MIGA1: variants seen among roughly 807,000 people sequenced by gnomAD.
The protein encoded by MIGA1 is family with sequence similarity 73, member A.
A neutral mutation model predicts 82.0 loss-of-function variants in MIGA1; 58 were observed. That is an observed-to-expected ratio of 0.71 (90% CI 0.57 to 0.88). MIGA1 has a LOEUF of 0.88. Ranked by LOEUF, MIGA1 falls within the 40% of genes least tolerant of loss-of-function variation. MIGA1 has a pLI of 0.00. For missense variants in MIGA1, 751 were observed against 749.1 expected, an observed-to-expected ratio of 1.00 and a Z score of -0.03; for synonymous variants, 249 against 253.6, an observed-to-expected ratio of 0.98 and a Z score of 0.17.
At chr1:77,865,834 G>A (rs1438776769) in intron 13 of MIGA1, among the ~76,000 whole-genome samples, 2 of 150,270 alleles carry the variant, frequency 1.3e-5, no homozygotes, top group Non-Finnish European at 3.0e-5. Context: ...CTTTGCTCAT[G>A]ATTTAAAAAT....
intron 11 of MIGA1, chr1:77,860,873 A>G (rs111443366): frequency 0.025 from 5,280 of 211,088 alleles, 76 homozygotes; most frequent in Middle Eastern, 0.067. Flanking sequence ...CATGACAGAT[A>G]AACTCAGTGA....
At position 77,801,444 on chromosome 1, in the gene MIGA1, A is replaced by G. The variant is rs1183312900; in HGVS notation, c.309A>G (p.Lys103=). 1 of 1,609,896 alleles carries G rather than the reference A, an allele frequency of 6.2e-7. No individual in the cohort carries two copies. Among genetic ancestry groups the G allele is most frequent in the Middle Eastern group, 1.7e-4 (1 of 6,034 alleles). ...GAAAACGTGGAAAGAAGAAAGGAAA[A>G]ATATTACCATGGGAACCAGAGCACC... The change falls in exon 3 of 16, where the codon AAA becomes AAG. Residue 103 remains lysine, a synonymous_variant. Transcript: ENST00000370791.
At chr1:77,828,166 T>C (rs1684102931) in intron 7 of MIGA1, among the ~76,000 whole-genome samples, 1 of 152,242 alleles carries the variant, frequency 6.6e-6, no homozygotes, top group African/African-American at 2.4e-5. Context: ...ACATATCCAG[T>C]GTGTTATGCT....
At chr1:77,812,296 C>G (rs939198980) in intron 5 of MIGA1, among the ~76,000 whole-genome samples, 6 of 152,130 alleles carry the variant, frequency 3.9e-5, no homozygotes, top group Non-Finnish European at 8.8e-5. Context: ...TGGTGAAACC[C>G]CATCTCTACT....
chr1:77,786,504 G>A (rs2101690103), intron 2 of MIGA1, among the ~76,000 whole-genome samples: 1 of 152,270 alleles, frequency 6.6e-6, no homozygotes, highest in African/African-American at 2.4e-5. Flanking sequence ...AAAACTGAAT[G>A]CCTTTAACAG....
intron 13 of MIGA1, among the ~76,000 whole-genome samples, 181 bp from the exon 14 acceptor site, chr1:77,866,157 C>T (rs1685656557): frequency 6.6e-6 from 1 of 152,052 alleles, no homozygotes; most frequent in Non-Finnish European, 1.5e-5. Flanking sequence ...CCTCATGATC[C>T]ACCCGCCTCG....
At chr1:77,806,782 G>A (rs1363543749) in intron 4 of MIGA1, among the ~76,000 whole-genome samples, 193 bp from the exon 5 acceptor site, 1 of 152,134 alleles carries the variant, frequency 6.6e-6, no homozygotes, top group Admixed American at 6.6e-5. Context: ...GTGTATTTTT[G>A]AGCAAACAGG....
At chr1:77,839,970 A>G (rs1358051865) in intron 7 of MIGA1, among the ~76,000 whole-genome samples, 3 of 151,964 alleles carry the variant, frequency 2.0e-5, no homozygotes, top group Non-Finnish European at 2.9e-5. Context: ...TGGGCTTAAG[A>G]GATTTGCCTG....
intron 7 of MIGA1, among the ~76,000 whole-genome samples, chr1:77,839,514 G>T (rs1033365330): frequency 9.9e-5 from 15 of 151,466 alleles, no homozygotes; most frequent in Admixed American, 4.0e-4. Flanking sequence ...GGAACTTTAG[G>T]TGTGCACCAC....
intron 2 of MIGA1, among the ~76,000 whole-genome samples, chr1:77,789,362 A>G (rs1391294758): frequency 1.3e-5 from 2 of 151,546 alleles, no homozygotes; most frequent in African/African-American, 4.8e-5. Context: ...GAGTGTACCA[A>G]CACACCCAGC....
chr1:77,819,559 C>T (rs1683720058), intron 7 of MIGA1, among the ~76,000 whole-genome samples: 1 of 151,958 alleles, frequency 6.6e-6, no homozygotes, highest in Non-Finnish European at 1.5e-5. Flanking sequence ...GCTGGGATTA[C>T]AGGGGTGAAC....
chr1:77,808,135 T>TC (rs1355549373), intron 5 of MIGA1, among the ~76,000 whole-genome samples: 1 of 151,454 alleles, frequency 6.6e-6, no homozygotes, highest in Non-Finnish European at 1.5e-5. Context: ...TCTCTCTTTT[T>TC]TTTTTTTTTT....
At chr1:77,832,581 G>A (rs1557917689) in intron 7 of MIGA1, among the ~76,000 whole-genome samples, 1 of 152,208 alleles carries the variant, frequency 6.6e-6, no homozygotes, top group Non-Finnish European at 1.5e-5. Context: ...GGTCTGCTAG[G>A]GAGACAGTTG....
intron 8 of MIGA1, among the ~76,000 whole-genome samples, chr1:77,844,760 G>GA (rs1684773745): frequency 6.6e-6 from 1 of 152,132 alleles, no homozygotes; most frequent in South Asian, 2.1e-4. Flanking sequence ...GGCCTCCTGA[G>GA]GCCCTGAGGT....
At chr1:77,789,077 T>C (rs1285150962) in intron 2 of MIGA1, among the ~76,000 whole-genome samples, 1 of 152,056 alleles carries the variant, frequency 6.6e-6, no homozygotes, top group Admixed American at 6.5e-5. Flanking sequence ...TTTTCTTTAA[T>C]TTCTTTCAGC....
chr1:77,865,382 G>C (rs1487001982), intron 13 of MIGA1, among the ~76,000 whole-genome samples: 1 of 152,108 alleles, frequency 6.6e-6, no homozygotes, highest in Non-Finnish European at 1.5e-5. Flanking sequence ...CTTGAGCTCA[G>C]GAGTTTGAGA....
chr1:77,866,913 C>T (rs1685693113), intron 14 of MIGA1, among the ~76,000 whole-genome samples: 1 of 152,046 alleles, frequency 6.6e-6, no homozygotes, highest in Non-Finnish European at 1.5e-5. Flanking sequence ...CTCCTGACCT[C>T]AGGTTATCCG....
rs142373477 is a variant in MIGA1 at position 77,857,006 on chromosome 1, C to T, written c.997-1932C>T. On this transcript the variant is annotated intron_variant, in intron 8 of 15. Coordinates refer to ENST00000370791, the MANE Select transcript of MIGA1 (RefSeq NM_198549.4). ...GCTCTTTCAGACTTTTTGATGTAGG[C>T]GTTTAGGGCTATGAACTTTCCTCTT... 8.6e-3 allele frequency among the ~76,000 whole-genome samples: 1,314 copies of T among 152,130 alleles called. 11 individuals are homozygous for T. Among genetic ancestry groups the T allele is most frequent in the Middle Eastern group, 0.054 (16 of 294 alleles).
At position 77,859,298 on chromosome 1, in the gene MIGA1, C is replaced by T. The variant is rs528354565; in HGVS notation, c.1116-16C>T. The T allele has an allele frequency of 1.9e-6, 3 of 1,595,974 alleles. No individual in the cohort carries two copies. The Admixed American group carries it at 5.0e-5, about 27-fold the overall frequency. ...TGAATGTAGTTTAACAATTGTCTCC[C>T]CTGTTTATTACATAGAACTGAAATG... On this transcript the variant is annotated splice_polypyrimidine_tract_variant and intron_variant, in intron 9 of 15. Coordinates refer to ENST00000370791, the MANE Select transcript of MIGA1 (RefSeq NM_198549.4).
Sources: allele counts gnomAD v4.1 joint callset (sites outside exome capture counted in the v4.1 genomes callset), GRCh38; gene constraint gnomAD v4.1.1; transcripts MANE v1.5; gene names NCBI Gene and HGNC (gene_info 2026-07-23, HGNC 2026-07-21).